Variants in ZC3HAV1 observed in about 807,000 individuals in gnomAD.
ZC3HAV1 encodes zinc finger CCCH-type antiviral protein 1.
A neutral mutation model predicts 86.6 loss-of-function variants in ZC3HAV1; 41 were observed. That is an observed-to-expected ratio of 0.47 (90% CI 0.37 to 0.61). ZC3HAV1 has a LOEUF of 0.61. Among genes scored for constraint, ZC3HAV1 ranks in the 20% least tolerant of loss-of-function variants. ZC3HAV1 has a pLI of 0.00. For missense variants in ZC3HAV1, 964 were observed against 1,141.1 expected, an observed-to-expected ratio of 0.84 and a Z score of 2.24; for synonymous variants, 421 against 432.1, an observed-to-expected ratio of 0.97 and a Z score of 0.32.
At position 139,109,317 on chromosome 7, in the gene ZC3HAV1, C is replaced by T. The variant is rs904347097; in HGVS notation, c.15G>A (p.Glu5=). ...GGATTTTGGTGATGAAGCAGCACAC[C>T]TCCGGGTCCGCCATGGCGCGCTGGC... MADP[E]VCCFITKILC... Residue 5 remains glutamate (E), a synonymous_variant, in exon 1 of 13, where the codon GAG becomes GAA. Coordinates refer to ENST00000242351, the MANE Select transcript of ZC3HAV1 (RefSeq NM_020119.4). 1 of 1,593,628 alleles carries T rather than the reference C, an allele frequency of 6.3e-7. No individual in the cohort carries two copies. The highest frequency in any genetic ancestry group is 1.7e-5 in the Admixed American group (1 of 58,574).
chr7:139,052,510 CAGG>C (rs1161467677), intron 12 of ZC3HAV1, among the ~76,000 whole-genome samples: 2 of 146,912 alleles, frequency 1.4e-5, no homozygotes, highest in African/African-American at 5.0e-5. Context: ...GAGGCTGAGG[CAGG>C]AGAATCACTT....
chr7:139,098,642 TAATA>T (rs1341445399), intron 1 of ZC3HAV1, among the ~76,000 whole-genome samples: 4 of 152,164 alleles, frequency 2.6e-5, no homozygotes, highest in Non-Finnish European at 1.5e-5. Flanking sequence ...GTCTCTATTT[TAATA>T]AATAAATAAG....
At chr7:139,052,320 T>C (rs117425957) in intron 12 of ZC3HAV1, among the ~76,000 whole-genome samples, 2 of 123,246 alleles carry the variant, frequency 1.6e-5, no homozygotes, top group East Asian at 5.4e-4. Context: ...AAGAGTTGCA[T>C]GCAGGCCAGG....
chr7:139,069,681 G>A (rs1473592414), intron 7 of ZC3HAV1, among the ~76,000 whole-genome samples: 2 of 152,046 alleles, frequency 1.3e-5, no homozygotes, highest in Non-Finnish European at 2.9e-5. Flanking sequence ...TATGAGTCCT[G>A]GTTAAGTACA....
chr7:139,081,361 G>GTA (rs1250521308), intron 3 of ZC3HAV1, among the ~76,000 whole-genome samples: 7 of 152,186 alleles, frequency 4.6e-5, no homozygotes, highest in African/African-American at 1.7e-4. Flanking sequence ...TAGTTATGTA[G>GTA]TAAAAGCAAA....
At chr7:139,060,726 T>G in intron 9 of ZC3HAV1, 1 of 1,180,180 alleles carries the variant, frequency 8.5e-7, no homozygotes, top group East Asian at 5.2e-5. Context: ...CCAGTATATA[T>G]GATTATTCCT....
chr7:139,055,273 A>C lies in ZC3HAV1; in HGVS notation c.2119T>G (p.Ser707Ala). ...GPDHQPAKTSSVSLTATFRPQ... is the reference protein window; with the variant it reads ...GPDHQPAKTSAVSLTATFRPQ... ...CGAAAGGTCGCAGTTAAAGACACTGACGAGGTCTTTGCTGGCTGATGGCTA... is the reference window on the plus strand; with the variant it reads ...CGAAAGGTCGCAGTTAAAGACACTGCCGAGGTCTTTGCTGGCTGATGGCTA... The change falls in exon 10 of 13, where the codon TCA becomes GCA. Residue 707 changes from serine (S) to alanine (A), a missense_variant. Ser to Ala is a moderately conservative substitution (Grantham distance 99). Transcript: ENST00000242351. 6.2e-7 allele frequency: 1 copy of C among 1,613,236 alleles called. No homozygotes were observed. Among genetic ancestry groups the C allele is most frequent in the Non-Finnish European group, 8.5e-7 (1 of 1,179,438 alleles).
rs78842872 is a variant in ZC3HAV1, at chr7:139,102,728, T to C, written c.308+6296A>G. Among the ~76,000 whole-genome samples, 451 of 139,412 alleles carry C rather than the reference T, an allele frequency of 3.2e-3. 3 individuals carry two copies. Among genetic ancestry groups the C allele is most frequent in the African/African-American group, 0.011 (421 of 36,992 alleles). 91.5% of individuals were successfully genotyped at this position (139,412 alleles called of 152,430 possible). On this transcript the variant is annotated intron_variant, in intron 1 of 12. Coordinates refer to ENST00000242351, the MANE Select transcript of ZC3HAV1 (RefSeq NM_020119.4). ...GCAAAATAGTGAGACACTGTCTCTA[T>C]ACACACACACACACACACACACACA...
chr7:139,101,492 A>C (rs6978277), intron 1 of ZC3HAV1, among the ~76,000 whole-genome samples: 7 of 39,030 alleles, frequency 1.8e-4, no homozygotes, highest in Admixed American at 7.0e-4. Flanking sequence ...CAGCCCGGCC[A>C]CCACCCCGTC....
intron 4 of ZC3HAV1, 175 bp downstream of exon 4, chr7:139,079,295 A>T: frequency 6.5e-7 from 1 of 1,537,872 alleles, no homozygotes; most frequent in South Asian, 1.2e-5. Context: ...CAGGTTCCTC[A>T]GACTCTGACT....
intron 1 of ZC3HAV1, 145 bp from the exon 2 acceptor site, chr7:139,089,904 T>G: frequency 2.6e-6 from 2 of 763,408 alleles, no homozygotes; most frequent in Non-Finnish European, 3.7e-6. Context: ...AAGAATACAC[T>G]ATATTTATTT....
Position 139,108,560 on chromosome 7 carries a change from A to ACCG in ZC3HAV1, c.308+461_308+463dup, listed in dbSNP as rs1276681525. Among the ~76,000 whole-genome samples, 2 of 152,174 alleles carry ACCG rather than the reference A, an allele frequency of 1.3e-5. No homozygotes were observed. The highest frequency in any genetic ancestry group is 3.9e-4 in the East Asian group (2 of 5,182). ...CTGCGGCTCGCTCCGGCGGAGACGG[A>ACCG]CCGGGGGCCCAGGGCGGCTGGGTTA... On this transcript the variant is annotated intron_variant, in intron 1 of 12. Transcript: ENST00000242351. The surrounding 1 kb of genome is among the most constrained non-coding windows in gnomAD (Gnocchi z 4.2).
At chr7:139,089,502 C>G in intron 2 of ZC3HAV1, 122 bp downstream of exon 2, 6 of 1,280,054 alleles carry the variant, frequency 4.7e-6, no homozygotes, top group Non-Finnish European at 6.3e-6. Flanking sequence ...ATAACAGCCT[C>G]GACTACCACC....
chr7:139,090,429 A>G (rs1006827328), intron 1 of ZC3HAV1, among the ~76,000 whole-genome samples: 6 of 152,190 alleles, frequency 3.9e-5, no homozygotes, highest in Admixed American at 1.3e-4. Context: ...GGAATAAAAT[A>G]TGTCAATTTC....
At position 139,092,248 on chromosome 7, in the gene ZC3HAV1, G is replaced by A. The variant is rs146192825; in HGVS notation, c.309-2489C>T. Reference sequence around the variant, plus strand: ...TTAATTGCATTCTTGGATGTGCTGGGAGTCAGCTTGCACAAGTTAAGTCCT... The same window carrying A: ...TTAATTGCATTCTTGGATGTGCTGGAAGTCAGCTTGCACAAGTTAAGTCCT... On this transcript the variant is annotated intron_variant, in intron 1 of 12. Coordinates refer to ENST00000242351, the MANE Select transcript of ZC3HAV1 (RefSeq NM_020119.4). Among the ~76,000 whole-genome samples, 254 of 152,270 alleles carry A rather than the reference G, an allele frequency of 1.7e-3. 1 individual carries two copies. Among genetic ancestry groups the A allele is most frequent in the Non-Finnish European group, 1.6e-3 (108 of 68,022 alleles).
intron 3 of ZC3HAV1, 80 bp downstream of exon 3, chr7:139,083,700 T>A: frequency 6.8e-7 from 1 of 1,478,726 alleles, no homozygotes; most frequent in East Asian, 2.3e-5. Flanking sequence ...GTACTCCAGC[T>A]TGGGTGACAG....
At chr7:139,096,729 C>T (rs569431263) in intron 1 of ZC3HAV1, among the ~76,000 whole-genome samples, 1 of 152,282 alleles carries the variant, frequency 6.6e-6, no homozygotes, top group Non-Finnish European at 1.5e-5. Context: ...ACTCGAAAGC[C>T]ACATAAAACT....
At chr7:139,095,139 A>G (rs1346222254) in intron 1 of ZC3HAV1, among the ~76,000 whole-genome samples, 2 of 152,170 alleles carry the variant, frequency 1.3e-5, no homozygotes, top group Non-Finnish European at 1.5e-5. Context: ...TAAGCCAGGT[A>G]AAAAAGGAAC....
At position 139,079,672 on chromosome 7, in the gene ZC3HAV1, C is replaced by T. The variant is rs929363583; in HGVS notation, c.1269G>A (p.Gln423=). 1.9e-6 allele frequency: 3 copies of T among 1,614,042 alleles called. No homozygotes were observed. In the African/African-American group the frequency reaches 4.0e-5, roughly 22 times the overall value. The change falls in exon 4 of 13, where the codon CAG becomes CAA. Residue 423 remains glutamine, a synonymous_variant. Coordinates refer to ENST00000242351, the MANE Select transcript of ZC3HAV1 (RefSeq NM_020119.4). Reference sequence around the variant, plus strand: ...CATTATTATTAAAAAGAGGGCCAGGCTGGATGTCCTGAGTTCCACTTTTGC... The same window carrying T: ...CATTATTATTAAAAAGAGGGCCAGGTTGGATGTCCTGAGTTCCACTTTTGC... ...INGKSGTQDI[Q]PGPLFNNNAD...
Sources: allele counts gnomAD v4.1 joint callset (sites outside exome capture counted in the v4.1 genomes callset), GRCh38; gene constraint gnomAD v4.1.1; non-coding constraint Gnocchi (gnomAD v3.1); transcripts MANE v1.5; gene names NCBI Gene and HGNC (gene_info 2026-07-23, HGNC 2026-07-21).